The following CMSS1 variants were observed in gnomAD, a reference collection of about 807,000 sequenced individuals.
The protein encoded by CMSS1 is protein CMSS1.
CMSS1 carries 33 observed loss-of-function variants against 43.5 expected under a neutral mutation model. The observed-to-expected ratio is 0.76, with a 90% CI of 0.57 to 1.01. The LOEUF is 1.01. CMSS1 is among the 50% of genes least tolerant of loss of function. CMSS1 has a pLI of 0.00. For synonymous variants in CMSS1, 115 were observed against 117.2 expected, an observed-to-expected ratio of 0.98 and a Z score of 0.12; for missense variants, 313 against 326.4, an observed-to-expected ratio of 0.96 and a Z score of 0.32.
intron 1 of CMSS1, among the ~76,000 whole-genome samples, chr3:99,976,886 C>A (rs1054865743): frequency 1.3e-5 from 2 of 152,046 alleles, no homozygotes; most frequent in African/African-American, 4.8e-5. Flanking sequence ...CCTACCTTGC[C>A]CCCAGTCTTT....
At chr3:100,086,435 G>C (rs1041098039) in intron 1 of CMSS1, among the ~76,000 whole-genome samples, 41 of 152,076 alleles carry the variant, frequency 2.7e-4, no homozygotes, top group African/African-American at 9.9e-4. Context: ...AAAAATCCAG[G>C]TTCTACTCTT....
chr3:99,976,573 G>A (rs764962935), intron 1 of CMSS1, among the ~76,000 whole-genome samples: 25 of 152,210 alleles, frequency 1.6e-4, no homozygotes, highest in East Asian at 3.9e-4. Context: ...TTATTTTCTC[G>A]TGGCTTGCAT....
At chr3:99,998,965 A>G (rs1460273496) in intron 1 of CMSS1, among the ~76,000 whole-genome samples, 3 of 152,206 alleles carry the variant, frequency 2.0e-5, no homozygotes, top group Admixed American at 6.5e-5. Context: ...ACACCCAGAG[A>G]AAACCTCCAC....
At chr3:99,982,686 G>A (rs1212862090) in intron 1 of CMSS1, among the ~76,000 whole-genome samples, 1 of 151,944 alleles carries the variant, frequency 6.6e-6, no homozygotes, top group Non-Finnish European at 1.5e-5. Flanking sequence ...TCACTGAAGT[G>A]CTTAATCATG....
chr3:99,904,999 C>G (rs879350239), intron 1 of CMSS1, among the ~76,000 whole-genome samples: 6 of 152,214 alleles, frequency 3.9e-5, no homozygotes, highest in Non-Finnish European at 7.3e-5. Context: ...GTGGCATCCT[C>G]AGATCCAAAA....
intron 1 of CMSS1, among the ~76,000 whole-genome samples, chr3:99,982,858 AT>A (rs769308210): frequency 6.6e-6 from 1 of 152,250 alleles, no homozygotes; most frequent in Non-Finnish European, 1.5e-5. Flanking sequence ...GCAATAAAAA[AT>A]AAATAAATTC....
At chr3:100,054,009 A>G (rs573949703) in intron 1 of CMSS1, among the ~76,000 whole-genome samples, 1 of 152,366 alleles carries the variant, frequency 6.6e-6, no homozygotes, top group African/African-American at 2.4e-5. Flanking sequence ...CGGCTTACTT[A>G]AAAGTATGTA....
chr3:100,144,365 A>G (rs2066830160), intron 1 of CMSS1, among the ~76,000 whole-genome samples: 1 of 152,346 alleles, frequency 6.6e-6, no homozygotes, highest in South Asian at 2.1e-4. Context: ...CCAGTGGGAT[A>G]GGAAAGATAT....
intron 1 of CMSS1, among the ~76,000 whole-genome samples, chr3:99,843,782 G>A (rs920844516): frequency 4.6e-5 from 7 of 152,184 alleles, no homozygotes; most frequent in Admixed American, 1.3e-4. Context: ...GTTAGGAGCC[G>A]AGCGGCAAGC....
chr3:99,936,779 C>G (rs1707689692), intron 1 of CMSS1, among the ~76,000 whole-genome samples: 1 of 151,764 alleles, frequency 6.6e-6, no homozygotes, highest in Non-Finnish European at 1.5e-5. Flanking sequence ...CCTACTAAAT[C>G]ACTATGCTGT....
intron 1 of CMSS1, among the ~76,000 whole-genome samples, chr3:100,106,024 C>T (rs922291160): frequency 3.9e-5 from 6 of 152,112 alleles, no homozygotes; most frequent in African/African-American, 1.4e-4. Flanking sequence ...GAAGTCAAGA[C>T]AGACAGATTA....
At chr3:99,923,895 C>G (rs1051043808) in intron 1 of CMSS1, among the ~76,000 whole-genome samples, 3 of 152,182 alleles carry the variant, frequency 2.0e-5, no homozygotes, top group Non-Finnish European at 4.4e-5. Flanking sequence ...CACTTCTATA[C>G]TAACACACTT....
chr3:100,165,632 A>G (rs2067059855), intron 4 of CMSS1, among the ~76,000 whole-genome samples: 1 of 152,054 alleles, frequency 6.6e-6, no homozygotes, highest in Non-Finnish European at 1.5e-5. Flanking sequence ...TCCATCTACC[A>G]CATATACTCA....
intron 9 of CMSS1, 139 bp from the exon 10 acceptor site, chr3:100,178,164 ATG>A: frequency 1.9e-6 from 1 of 513,252 alleles, no homozygotes. Context: ...TCTGAATCAA[ATG>A]TGTGTTAGGA....
rs920473066 is a variant in CMSS1, at chr3:100,181,333, T to C, written c.*2945T>C. Reference sequence around the variant, plus strand: ...TTCTATTTTGAAACTTCAGGCTTAATAGAAAAGTTTAAAAAATAGAGAATT... The same window carrying C: ...TTCTATTTTGAAACTTCAGGCTTAACAGAAAAGTTTAAAAAATAGAGAATT... On this transcript the variant is annotated 3_prime_UTR_variant, in exon 10 of 10. Coordinates refer to ENST00000421999, the MANE Select transcript of CMSS1 (RefSeq NM_032359.4). 6.6e-6 allele frequency: 1 copy of C among 152,224 alleles called. No homozygotes were observed. The highest frequency in any genetic ancestry group is 2.4e-5 in the African/African-American group (1 of 41,462). 9.4% of individuals were successfully genotyped at this position (152,224 alleles called of 1,614,324 possible).
chr3:100,070,312 G>C (rs1052633236), intron 1 of CMSS1, among the ~76,000 whole-genome samples: 3 of 152,204 alleles, frequency 2.0e-5, no homozygotes, highest in Non-Finnish European at 4.4e-5. Flanking sequence ...ACTTGAAAGA[G>C]TGTGATCAGA....
intron 1 of CMSS1, among the ~76,000 whole-genome samples, chr3:99,973,420 C>G (rs1327010197): frequency 1.8e-4 from 28 of 152,166 alleles, no homozygotes; most frequent in Admixed American, 1.8e-3. Flanking sequence ...TTCTAAACAT[C>G]AAACCACATA....
At position 99,954,751 on chromosome 3, in the gene CMSS1, G is replaced by T. The variant is rs1047725873; in HGVS notation, c.64+136708G>T. Among the ~76,000 whole-genome samples, 4 of 152,036 alleles carry T rather than the reference G, an allele frequency of 2.6e-5. No individual in the cohort carries two copies. In the South Asian group the frequency reaches 6.3e-4, roughly 24 times the overall value. On this transcript the variant is annotated intron_variant, in intron 1 of 9. Coordinates refer to ENST00000421999, the MANE Select transcript of CMSS1 (RefSeq NM_032359.4). ...TGAGGCAGGAGAATCGCTTGAACCC[G>T]GGAGGTGGAGATTGCAGTGAGCTGA...
intron 1 of CMSS1, among the ~76,000 whole-genome samples, chr3:100,098,663 G>A (rs1226867295): frequency 6.6e-6 from 1 of 152,118 alleles, no homozygotes; most frequent in Non-Finnish European, 1.5e-5. Context: ...CTACAGCCCT[G>A]AAAACTTTAC....
Sources: allele counts gnomAD v4.1 joint callset (sites outside exome capture counted in the v4.1 genomes callset), GRCh38; gene constraint gnomAD v4.1.1; transcripts MANE v1.5; gene names NCBI Gene and HGNC (gene_info 2026-07-23, HGNC 2026-07-21).